RRAGC: variants seen among roughly 807,000 people sequenced by gnomAD.
RRAGC encodes ras-related GTP-binding protein C.
A neutral mutation model predicts 37.1 loss-of-function variants in RRAGC; 8 were observed. That is an observed-to-expected ratio of 0.22 (90% confidence interval 0.13 to 0.39). The LOEUF is 0.39. Ranked by LOEUF, RRAGC falls within the 10% of genes least tolerant of loss-of-function variation. RRAGC has a pLI of 1.00. For missense variants in RRAGC, 342 were observed against 497.6 expected (o/e 0.69, Z 2.98); for synonymous variants, 190 against 181.1 (o/e 1.05, Z -0.39).
chr1:38,840,203 G>C (rs990186595), intron 6 of RRAGC, among the ~76,000 whole-genome samples: 2 of 149,890 alleles, frequency 1.3e-5, no homozygotes, highest in Non-Finnish European at 3.0e-5. Context: ...CCATCATAAC[G>C]TTCTGCTAGA....
chr1:38,839,330 A>T lies in RRAGC; in HGVS notation c.*223T>A, dbSNP rs981799983. The T allele has an allele frequency of 6.3e-5, 21 of 331,572 alleles. No individual in the cohort carries two copies. Among genetic ancestry groups the T allele is most frequent in the African/African-American group, 4.8e-4 (21 of 43,806 alleles). The allele number at this position is 331,572 out of a possible 1,614,324, so 20.5% of individuals were successfully genotyped here. On this transcript the variant is annotated 3_prime_UTR_variant, in exon 7 of 7. Transcript: ENST00000373001. ...ACACTTGAGTTCTGTGGTCTCCAGA[A>T]TTTTTTTTTTTTTTTTTTGCCATTT... is the stretch of plus-strand genomic sequence containing the variant.
chr1:38,859,379 G>A (rs1396633127), intron 1 of RRAGC, 31 bp downstream of exon 1: 3 of 1,537,264 alleles, frequency 2.0e-6, no homozygotes, highest in African/African-American at 1.4e-5. Context: ...AACCGGGGAG[G>A]GGGCGGGGGA....
intron 3 of RRAGC, among the ~76,000 whole-genome samples, chr1:38,853,835 G>C (rs1004629118): frequency 6.6e-6 from 1 of 152,044 alleles, no homozygotes; most frequent in Non-Finnish European, 1.5e-5. Flanking sequence ...AAGAGCACTG[G>C]AACAGGTAAG....
At chr1:38,856,821 C>T in intron 2 of RRAGC, 58 bp downstream of exon 2, 1 of 1,512,692 alleles carries the variant, frequency 6.6e-7, no homozygotes. Context: ...AAACAACTTT[C>T]CTTTGTTTCT....
intron 6 of RRAGC, among the ~76,000 whole-genome samples, chr1:38,840,077 G>A (rs1005979069): frequency 6.6e-6 from 1 of 151,232 alleles, no homozygotes; most frequent in African/African-American, 2.4e-5. Flanking sequence ...GAACCTGGGA[G>A]GCAAAGCTTG....
At chr1:38,847,846 A>C (rs979322724) in intron 5 of RRAGC, 17 of 152,194 alleles carry the variant, frequency 1.1e-4, no homozygotes, top group Admixed American at 5.2e-4. Flanking sequence ...GTTCAAAACC[A>C]GTCTGGGCAA....
chr1:38,846,018 TG>T lies in RRAGC; in HGVS notation c.968del (p.Thr323LysfsTer6). The T allele has an allele frequency of 6.2e-7, 1 of 1,611,464 alleles. No homozygotes were observed. Among genetic ancestry groups the T allele is most frequent in the Non-Finnish European group, 8.5e-7 (1 of 1,177,776 alleles). ...TCACCTCCTTTAAATAAAGGACAGT[TG>T]TATTATTCAGCTTGATAATTGCCAT... ...ESMAIIKLNN[T>X]TVLYLKEVTK... is the part of the protein sequence containing the mutation. On this transcript the variant is annotated frameshift_variant, in exon 6 of 7. Coordinates refer to ENST00000373001, the MANE Select transcript of RRAGC (RefSeq NM_022157.4). LOFTEE classifies it high-confidence loss of function.
intron 6 of RRAGC, among the ~76,000 whole-genome samples, chr1:38,843,626 A>C (rs545466443): frequency 6.6e-6 from 1 of 151,388 alleles, no homozygotes; most frequent in East Asian, 2.0e-4. Context: ...AGGGTGAGGC[A>C]GGAGAATGAT....
At chr1:38,855,410 T>TTTTG (rs1244502877) in intron 3 of RRAGC, among the ~76,000 whole-genome samples, 1 of 151,510 alleles carries the variant, frequency 6.6e-6, no homozygotes, top group African/African-American at 2.4e-5. Flanking sequence ...GAGGAAGGAG[T>TTTTG]CCCAAAGCAG....
Position 38,851,737 on chromosome 1 carries a change from A to C in RRAGC, c.777T>G (p.Ala259=). 1.2e-6 allele frequency: 2 copies of C among 1,610,364 alleles called. No homozygotes were observed. Among genetic ancestry groups the C allele is most frequent in the Non-Finnish European group, 8.5e-7 (1 of 1,179,000 alleles). Residue 259 remains alanine (A), a synonymous_variant, in exon 5 of 7, where the codon GCT becomes GCG. Coordinates refer to ENST00000373001, the MANE Select transcript of RRAGC (RefSeq NM_022157.4). ...TTTTGCTGACAACATCAAAGAGAAA[A>C]GCTTTTTCAATACCTGAATTCTTGG... The part of the protein sequence containing the change: ...IFISNSGIEK[A]FLFDVVSKIY...
At position 38,852,432 on chromosome 1, in the gene RRAGC, A is replaced by G; in HGVS notation, c.698T>C (p.Val233Ala). 2 of 1,611,420 alleles carry G rather than the reference A, an allele frequency of 1.2e-6. No individual in the cohort carries two copies. Among genetic ancestry groups the G allele is most frequent in the Non-Finnish European group, 1.7e-6 (2 of 1,177,880 alleles). The change falls in exon 4 of 7, where the codon GTG becomes GCG. Residue 233 changes from valine to alanine, a missense_variant. Coordinates refer to ENST00000373001, the MANE Select transcript of RRAGC (RefSeq NM_022157.4). ...HSIFEAFSKV[V>A]QKLIPQLPTL... The stretch of plus-strand genomic sequence containing the variant: ...CGGCAGTTGTGGAATGAGTTTCTGC[A>G]CCACCTTACTAAAGGCTTCAAATAT...
chr1:38,852,751 C>A, intron 3 of RRAGC: 2 of 210,928 alleles, frequency 9.5e-6, no homozygotes, highest in East Asian at 1.1e-4. Flanking sequence ...CAATATTCAC[C>A]GAAGTCTTTG....
At chr1:38,846,166 A>T in intron 5 of RRAGC, 79 bp from the exon 6 acceptor site, 1 of 1,128,594 alleles carries the variant, frequency 8.9e-7, no homozygotes, top group Non-Finnish European at 1.3e-6. Context: ...AATGACATCC[A>T]CCCAGTTTCC....
chr1:38,839,596 A>C lies in RRAGC; in HGVS notation c.1157T>G (p.Leu386Arg), dbSNP rs1477098235. The C allele has an allele frequency of 6.2e-7, 1 of 1,614,018 alleles. No homozygotes were observed. Among genetic ancestry groups the C allele is most frequent in the Non-Finnish European group, 8.5e-7 (1 of 1,180,040 alleles). Reference sequence around the variant, plus strand: ...CGTGCCATTGTGTGTCAGCGCTTTCAGACTGGAGGCACTAGTCTGGTGACC... The same window carrying C: ...CGTGCCATTGTGTGTCAGCGCTTTCCGACTGGAGGCACTAGTCTGGTGACC... ...SCGHQTSASS[L>R]KALTHNGTPR... Residue 386 changes from leucine (L) to arginine (R), a missense_variant, in exon 7 of 7, where the codon CTG (leucine) becomes CGG (arginine). Physicochemically the swap from Leu to Arg is moderately radical, Grantham distance 102. Transcript: ENST00000373001.
At chr1:38,846,184 C>CA in intron 5 of RRAGC, 97 bp from the exon 6 acceptor site, 2 of 951,036 alleles carry the variant, frequency 2.1e-6, no homozygotes, top group South Asian at 1.5e-5. Context: ...TCCCAAATGT[C>CA]TCTGGGAAAG....
Position 38,845,964 on chromosome 1 carries a change from T to C in RRAGC, c.1023A>G (p.Leu341=). Residue 341 remains leucine, a synonymous_variant, in exon 6 of 7, where the codon CTA becomes CTG. Transcript: ENST00000373001. Reference sequence around the variant, plus strand: ...CTTTTCTTTCAAAGCTTTCTTCCCTTAGAATGCAGACCAGTGCCAAAAATT... The same window carrying C: ...CTTTTCTTTCAAAGCTTTCTTCCCTCAGAATGCAGACCAGTGCCAAAAATT... ...VTKFLALVCI[L]REESFERKGL... is the part of the protein sequence containing the mutation. The C allele has an allele frequency of 6.2e-7, 1 of 1,611,348 alleles. No individual in the cohort carries two copies. The highest frequency in any genetic ancestry group is 8.5e-7 in the Non-Finnish European group (1 of 1,179,208).
intron 3 of RRAGC, 148 bp from the exon 4 acceptor site, chr1:38,852,636 C>G (rs1642114136): frequency 2.0e-6 from 1 of 489,014 alleles, no homozygotes; most frequent in East Asian, 3.6e-5. Context: ...ACCCATCACT[C>G]AAGATGACAA....
At chr1:38,847,431 AACACACACACACACAC>A (rs138424781) in intron 5 of RRAGC, 1 of 142,900 alleles carries the variant, frequency 7.0e-6, no homozygotes, top group Non-Finnish European at 1.5e-5. Flanking sequence ...GCAACACAAG[AACACACACACACACAC>A]ACACACACAC....
intron 5 of RRAGC, among the ~76,000 whole-genome samples, chr1:38,848,783 G>T (rs1267644556): frequency 6.6e-6 from 1 of 151,828 alleles, no homozygotes; most frequent in South Asian, 2.1e-4. Flanking sequence ...CCAGGAGTTC[G>T]ATACCAGCCT....
Sources: allele counts gnomAD v4.1 joint callset (sites outside exome capture counted in the v4.1 genomes callset), GRCh38; gene constraint gnomAD v4.1.1; transcripts MANE v1.5; gene names NCBI Gene and HGNC (gene_info 2026-07-23, HGNC 2026-07-21).